Variants in ARHGAP9 observed in about 807,000 individuals in gnomAD.
ARHGAP9 encodes rho GTPase-activating protein 9.
A neutral mutation model predicts 87.3 loss-of-function variants in ARHGAP9; 76 were observed. The observed-to-expected ratio is 0.87, with a 90% CI of 0.72 to 1.05. The LOEUF (loss-of-function observed/expected upper bound fraction) is 1.05. Ranked by LOEUF, ARHGAP9 falls within the 50% of genes least tolerant of loss-of-function variation. The probability of loss-of-function intolerance (pLI) is 0.00; values close to 1 mark genes in which losing one functional copy is unlikely to be tolerated. For missense variants in ARHGAP9, 941 were observed against 960.5 expected (o/e 0.98, Z 0.27); for synonymous variants, 382 against 394.9 (o/e 0.97, Z 0.39).
At chr12:57,473,547 G>A in intron 17 of ARHGAP9, 56 bp downstream of exon 17, 1 of 1,500,860 alleles carries the variant, frequency 6.7e-7, no homozygotes, top group Middle Eastern at 1.7e-4. Flanking sequence ...GAGTCCCTGT[G>A]GCATTCCCCA....
intron 1 of ARHGAP9, among the ~76,000 whole-genome samples, chr12:57,486,693 G>C (rs937390380): frequency 5.9e-4 from 88 of 149,542 alleles, no homozygotes; most frequent in African/African-American, 1.8e-3. Flanking sequence ...AGACCATCCT[G>C]GCTAACACGG....
Position 57,477,225 on chromosome 12 carries a change from A to G in ARHGAP9, c.801T>C (p.Asn267=), listed in dbSNP as rs1204585116. 1.2e-6 allele frequency: 2 copies of G among 1,600,822 alleles called. No individual in the cohort carries two copies. The highest frequency in any genetic ancestry group is 4.5e-5 in the East Asian group (2 of 44,794). ...MEGTQTLKRN[N]DVLQPQAKGF... ...CCTTTGCCTGAGGTTGCAGGACATC[A>G]TTGTTCCTCTTCAGGGTCTGTGTCC... Residue 267 remains asparagine (N), a synonymous_variant, in exon 5 of 18, where the codon AAT becomes AAC. Coordinates refer to ENST00000393791, the MANE Select transcript of ARHGAP9 (RefSeq NM_032496.4).
intron 8 of ARHGAP9, 59 bp downstream of exon 8, chr12:57,476,305 A>G: frequency 3.2e-6 from 5 of 1,584,974 alleles, no homozygotes; most frequent in Non-Finnish European, 4.3e-6. Flanking sequence ...CCGCCCCCAC[A>G]TTGGCGTGAG....
At chr12:57,488,450 AC>A in intron 1 of ARHGAP9, 1 of 979,084 alleles carries the variant, frequency 1.0e-6, no homozygotes. Flanking sequence ...TCCCCGCCTC[AC>A]CCCAGTAAAC....
At chr12:57,478,430 CTTAT>C (rs921166894) in intron 3 of ARHGAP9, 106 bp downstream of exon 3, 9 of 1,118,440 alleles carry the variant, frequency 8.0e-6, no homozygotes, top group African/African-American at 1.6e-5. Flanking sequence ...CAAGCGTTAT[CTTAT>C]TTATTTGTTT....
intron 3 of ARHGAP9, chr12:57,477,990 G>C: frequency 8.3e-7 from 1 of 1,201,972 alleles, no homozygotes; most frequent in South Asian, 1.6e-5. Flanking sequence ...ATGTTGAAGG[G>C]GGTGCCCCAC....
At chr12:57,472,769 G>A (rs978445031) in intron 17 of ARHGAP9, 81 bp from the exon 18 acceptor site, 5 of 1,442,804 alleles carry the variant, frequency 3.5e-6, no homozygotes, top group Non-Finnish European at 4.8e-6. Context: ...TCAAAGTTCT[G>A]AGCAGGGAAG....
Position 57,479,140 on chromosome 12 carries a change from A to G in ARHGAP9, c.267T>C (p.Pro89=). 1 of 1,614,192 alleles carries G rather than the reference A, an allele frequency of 6.2e-7. No homozygotes were observed. Among genetic ancestry groups the G allele is most frequent in the Non-Finnish European group, 8.5e-7 (1 of 1,180,024 alleles). ...PAAYMIEESI[P]SQSPTTVIPG... ...GGATGACGGTAGTTGGACTCTGGGA[A>G]GGGATGGATTCCTCTATCATATAGG... is the stretch of plus-strand genomic sequence containing the variant. Residue 89 remains proline (P), a synonymous_variant, in exon 2 of 18, where the codon CCT becomes CCC. Transcript: ENST00000393791.
chr12:57,487,774 TGGAG>T, intron 1 of ARHGAP9: 1 of 298,476 alleles, frequency 3.4e-6, no homozygotes, highest in South Asian at 4.6e-5. Flanking sequence ...ACTTGAACCC[TGGAG>T]GCAGAGGTTG....
chr12:57,482,561 A>G (rs1010796212), upstream of ARHGAP9, among the ~76,000 whole-genome samples: 2 of 151,936 alleles, frequency 1.3e-5, no homozygotes, highest in Non-Finnish European at 2.9e-5. Context: ...TTAGTTAGCC[A>G]GGTATGGCAG....
chr12:57,488,035 T>G, intron 1 of ARHGAP9: 1 of 1,499,190 alleles, frequency 6.7e-7, no homozygotes, highest in Non-Finnish European at 9.3e-7. Context: ...CGGAGGCCGC[T>G]GAACTCAGAA....
At chr12:57,488,766 T>A in exon 1 of ARHGAP9, 2 of 1,057,564 alleles carry the variant, frequency 1.9e-6, no homozygotes, top group Non-Finnish European at 1.4e-6. Flanking sequence ...GCTGCAGCAC[T>A]ATCCCAATAC....
In ARHGAP9 at chr12:57,475,342, T is replaced by C. The variant is rs1363806108; in HGVS notation, c.1501A>G (p.Ile501Val). ...CTTTGTAAGGGCGGTCTCTTCGCGA[T>C]GAGCCGCTTTAGTTTGTTGCGCACG... ...NRVRNKLKRL[I>V]AKRPPLQSLQ... Residue 501 changes from isoleucine to valine, a missense_variant, in exon 12 of 18, where the codon ATC (isoleucine) becomes GTC (valine). Coordinates refer to ENST00000393791, the MANE Select transcript of ARHGAP9 (RefSeq NM_032496.4). 1.2e-6 allele frequency: 2 copies of C among 1,603,424 alleles called. No homozygotes were observed. The highest frequency in any genetic ancestry group is 1.7e-6 in the Non-Finnish European group (2 of 1,174,748).
chr12:57,480,979 A>G, upstream of ARHGAP9: 1 of 717,982 alleles, frequency 1.4e-6, no homozygotes, highest in Non-Finnish European at 2.4e-6. Context: ...TCACTTCAAC[A>G]CATGGAGAAT....
chr12:57,487,040 G>C (rs954846758), intron 1 of ARHGAP9, among the ~76,000 whole-genome samples: 3 of 150,234 alleles, frequency 2.0e-5, no homozygotes, highest in African/African-American at 7.3e-5. Context: ...GCAATGGCGC[G>C]GTCTCGGCTC....
At position 57,476,287 on chromosome 12, in the gene ARHGAP9, C is replaced by G. The variant is rs1873634661; in HGVS notation, c.1116+77G>C. On this transcript the variant is annotated intron_variant, in intron 8 of 17. Transcript: ENST00000393791. ...TCTTTACTTTCCTCTGCACCGCCCT[C>G]CCCGCTGCCGCCCCCACATTGGCGT... 70 of 1,559,102 alleles carry G rather than the reference C, an allele frequency of 4.5e-5. No individual in the cohort carries two copies. In the South Asian group the frequency reaches 8.0e-4, roughly 18 times the overall value.
At position 57,472,297 on chromosome 12, in the gene ARHGAP9, T is replaced by G. The variant is rs966678957; in HGVS notation, c.*220A>C. ...CATGCCACTTTATGTATTATTATGT[T>G]GGGGAGGAATGATAACAGGGAACAA... On this transcript the variant is annotated 3_prime_UTR_variant, in exon 18 of 18. Transcript: ENST00000393791. 1.6e-6 allele frequency: 1 copy of G among 618,126 alleles called. No homozygotes were observed. Among genetic ancestry groups the G allele is most frequent in the Non-Finnish European group, 2.7e-6 (1 of 366,016 alleles). 38.3% of individuals were successfully genotyped at this position (618,126 alleles called of 1,614,324 possible).
At chr12:57,473,832 TTC>T in intron 16 of ARHGAP9, 124 bp from the exon 17 acceptor site, 1 of 1,211,662 alleles carries the variant, frequency 8.3e-7, no homozygotes, top group Non-Finnish European at 1.2e-6. Flanking sequence ...AGCTTTCTTT[TTC>T]ACATAGCCCA....
Position 57,476,955 on chromosome 12 carries a change from G to A in ARHGAP9, c.879C>T (p.Leu293=). ...GCTGCGAGGTGCGTTGGCTGAGGCT[G>A]AGTGAACCCTAGGGGAGAGGATTGG... ...TPEPLDPQGS[L]SLSQRTSQLD... is the part of the protein sequence containing the mutation. The change falls in exon 6 of 18, where the codon CTC becomes CTT. Residue 293 remains leucine, a synonymous_variant. Coordinates refer to ENST00000393791, the MANE Select transcript of ARHGAP9 (RefSeq NM_032496.4). 6.2e-7 allele frequency: 1 copy of A among 1,613,064 alleles called. No homozygotes were observed. Among genetic ancestry groups the A allele is most frequent in the South Asian group, 1.1e-5 (1 of 91,040 alleles).
Sources: allele counts gnomAD v4.1 joint callset (sites outside exome capture counted in the v4.1 genomes callset), GRCh38; gene constraint gnomAD v4.1.1; transcripts MANE v1.5; gene names NCBI Gene and HGNC (gene_info 2026-07-23, HGNC 2026-07-21).